KCNQ5: variants seen among roughly 807,000 people sequenced by gnomAD.
KCNQ5 encodes the protein potassium voltage-gated channel subfamily KQT member 5.
In KCNQ5, 30 loss-of-function variants were observed where a neutral mutation model predicts 98.2. That is an observed-to-expected ratio of 0.31 (90% CI 0.23 to 0.41). KCNQ5 has a LOEUF of 0.41. Among genes scored for constraint, KCNQ5 ranks in the 10% least tolerant of loss-of-function variants. The probability of loss-of-function intolerance (pLI) is 1.00; values close to 1 mark genes in which losing one functional copy is unlikely to be tolerated. For synonymous variants in KCNQ5, 458 were observed against 449.4 expected, an observed-to-expected ratio of 1.02 and a Z score of -0.24; for missense variants, 835 against 1,182.5, an observed-to-expected ratio of 0.71 and a Z score of 4.31.
chr6:73,178,440 C>G (rs940123336), intron 11 of KCNQ5, among the ~76,000 whole-genome samples: 1 of 147,570 alleles, frequency 6.8e-6, no homozygotes, highest in Non-Finnish European at 1.5e-5. Flanking sequence ...TAAAAAAAAA[C>G]AAAAACTCTG....
intron 3 of KCNQ5, among the ~76,000 whole-genome samples, chr6:73,074,129 A>G (rs6453626): frequency 1.3e-5 from 2 of 152,074 alleles, no homozygotes; most frequent in East Asian, 3.8e-4. Context: ...TATTTCAGGC[A>G]CTGTTCTAGG....
intron 1 of KCNQ5, among the ~76,000 whole-genome samples, chr6:72,773,534 T>C (rs1334144689): frequency 6.6e-6 from 1 of 152,102 alleles, no homozygotes; most frequent in Non-Finnish European, 1.5e-5. Context: ...CAAACCACCA[T>C]GGCATGTGTA....
rs1766094890 is a variant in KCNQ5 at position 72,655,043 on chromosome 6, TCTTTCTTTC to T, written c.398+32457_398+32465del. ...GTCTGTCTGTCTTTCTTTCTTTCTT[TCTTTCTTTC>T]TTTCTTTCTTTCTTTCTTTCTTTCT... On this transcript the variant is annotated intron_variant, in intron 1 of 13. Transcript: ENST00000370398. Among the ~76,000 whole-genome samples the T allele has an allele frequency of 2.1e-5, 3 of 142,948 alleles. No individual in the cohort carries two copies. In the South Asian group the frequency reaches 6.8e-4, roughly 32 times the overall value. 93.8% of individuals were successfully genotyped at this position (142,948 alleles called of 152,430 possible).
chr6:73,081,822 A>G lies in KCNQ5; in HGVS notation c.918+3935A>G, dbSNP rs566117685. Among the ~76,000 whole-genome samples the G allele has an allele frequency of 5.3e-5, 8 of 152,236 alleles. No homozygotes were observed. The East Asian group carries it at 1.5e-3, about 29-fold the overall frequency. Reference sequence around the variant, plus strand: ...TTATAATCTGACCATAGCCTCAGCCATCTCATTTAAAAAAAAAATCAAGAA... The same window carrying G: ...TTATAATCTGACCATAGCCTCAGCCGTCTCATTTAAAAAAAAAATCAAGAA... On this transcript the variant is annotated intron_variant, in intron 5 of 13. Coordinates refer to ENST00000370398, the MANE Select transcript of KCNQ5 (RefSeq NM_019842.4).
intron 1 of KCNQ5, among the ~76,000 whole-genome samples, chr6:72,725,038 C>T (rs1319799105): frequency 6.6e-6 from 1 of 152,090 alleles, no homozygotes; most frequent in Admixed American, 6.5e-5. Context: ...TTAAAGAATA[C>T]ACTACGTTAA....
intron 3 of KCNQ5, among the ~76,000 whole-genome samples, chr6:73,057,082 A>T (rs766323969): frequency 1.3e-5 from 2 of 152,180 alleles, no homozygotes; most frequent in African/African-American, 4.8e-5. Context: ...CCAACCCAAA[A>T]GTCCATCAAT....
intron 10 of KCNQ5, chr6:73,158,166 G>C (rs1384639116): frequency 2.9e-6 from 1 of 348,724 alleles, no homozygotes; most frequent in Non-Finnish European, 5.5e-6. Flanking sequence ...CGGGGCGGCG[G>C]GAAGGGAACG....
chr6:73,130,460 T>C (rs1776184058), intron 9 of KCNQ5, among the ~76,000 whole-genome samples: 1 of 152,184 alleles, frequency 6.6e-6, no homozygotes. Context: ...GATGCTCCGA[T>C]CAATGACCAC....
intron 1 of KCNQ5, among the ~76,000 whole-genome samples, chr6:72,811,733 G>A (rs546667350): frequency 3.9e-5 from 6 of 152,212 alleles, no homozygotes; most frequent in South Asian, 4.1e-4. Flanking sequence ...TTCTGTTACC[G>A]GAAAGGGTCC....
At chr6:72,749,456 A>G (rs532804856) in intron 1 of KCNQ5, among the ~76,000 whole-genome samples, 2 of 146,640 alleles carry the variant, frequency 1.4e-5, no homozygotes, top group African/African-American at 5.1e-5. Context: ...AATAATGTGG[A>G]AAAATTAAAA....
At chr6:73,065,651 A>T (rs1271384914) in intron 3 of KCNQ5, among the ~76,000 whole-genome samples, 1 of 152,220 alleles carries the variant, frequency 6.6e-6, no homozygotes, top group Non-Finnish European at 1.5e-5. Flanking sequence ...AGCTGTCGTG[A>T]TCTGGCTGGA....
intron 2 of KCNQ5, among the ~76,000 whole-genome samples, chr6:73,006,270 A>G (rs934421098): frequency 2.6e-5 from 4 of 152,078 alleles, no homozygotes; most frequent in African/African-American, 9.7e-5. Flanking sequence ...TTAGCAGTAA[A>G]GTTCCCAAGA....
At chr6:73,162,421 G>A (rs1777650706) in intron 10 of KCNQ5, among the ~76,000 whole-genome samples, 1 of 152,240 alleles carries the variant, frequency 6.6e-6, no homozygotes, top group South Asian at 2.1e-4. Context: ...ATCCCTCACA[G>A]AGAGCAGGAC....
At position 72,742,322 on chromosome 6, in the gene KCNQ5, T is replaced by G. The variant is rs78472707; in HGVS notation, c.398+119735T>G. ...AAACTTAATGCAGTGAAACTTTCCT[T>G]GTGTAATAGATGCTTTTGTAATGCA... On this transcript the variant is annotated intron_variant, in intron 1 of 13. Transcript: ENST00000370398. 3.5e-3 allele frequency among the ~76,000 whole-genome samples: 534 copies of G among 152,330 alleles called. 4 individuals carry two copies. The highest frequency in any genetic ancestry group is 0.012 in the African/African-American group (500 of 41,570).
rs569524120 is a variant in KCNQ5 at position 73,130,693 on chromosome 6, TC to T, written c.1248-2727del. 1.5e-3 allele frequency among the ~76,000 whole-genome samples: 224 copies of T among 152,312 alleles called. 2 individuals carry two copies. The highest frequency in any genetic ancestry group is 5.3e-3 in the African/African-American group (219 of 41,564). On this transcript the variant is annotated intron_variant, in intron 9 of 13. Coordinates refer to ENST00000370398, the MANE Select transcript of KCNQ5 (RefSeq NM_019842.4). ...TGTGTTTTCAGTAACAGTCACCTGA[TC>T]AGCTTAATAGTCATCTAATCAAGAC...
intron 1 of KCNQ5, among the ~76,000 whole-genome samples, chr6:72,867,325 A>C (rs1271937473): frequency 1.3e-5 from 2 of 152,218 alleles, no homozygotes; most frequent in Non-Finnish European, 2.9e-5. Flanking sequence ...AGAATACTTG[A>C]TACCTGAAGC....
intron 2 of KCNQ5, among the ~76,000 whole-genome samples, chr6:73,035,453 A>G (rs1180583417): frequency 6.6e-6 from 1 of 152,226 alleles, no homozygotes; most frequent in Non-Finnish European, 1.5e-5. Flanking sequence ...CATTTCAGTA[A>G]ATAGCGAGCA....
At chr6:73,125,767 G>A (rs1034979816) in intron 9 of KCNQ5, among the ~76,000 whole-genome samples, 24 of 152,108 alleles carry the variant, frequency 1.6e-4, no homozygotes, top group African/African-American at 5.8e-4. Context: ...ACAACATCAG[G>A]CACATCTTCT....
intron 1 of KCNQ5, among the ~76,000 whole-genome samples, chr6:72,963,455 T>C (rs547987743): frequency 6.6e-6 from 1 of 152,306 alleles, no homozygotes; most frequent in South Asian, 2.1e-4. Flanking sequence ...TTTATGACTA[T>C]TTTATCTTAC....
Sources: gnomAD v4.1 joint callset for allele counts (sites outside exome capture counted in the v4.1 genomes callset) on GRCh38, gnomAD v4.1.1 for gene constraint, MANE v1.5 for transcripts, NCBI Gene and HGNC (gene_info 2026-07-23, HGNC 2026-07-21) for gene names.